Variants in PRUNE2 observed in about 807,000 individuals in gnomAD.
PRUNE2 encodes protein prune homolog 2.
A neutral mutation model predicts 252.0 loss-of-function variants in PRUNE2; 164 were observed. The observed-to-expected ratio is 0.65, with a 90% CI of 0.57 to 0.74. The LOEUF is 0.74. Ranked by LOEUF, PRUNE2 falls within the 30% of genes least tolerant of loss-of-function variation. The pLI is 0.00. For missense variants in PRUNE2, 3,495 were observed against 3,711.0 expected (o/e 0.94, Z 1.51); for synonymous variants, 1,292 against 1,350.2 (o/e 0.96, Z 0.94).
chr9:76,799,078 C>T (rs1004516425), intron 6 of PRUNE2, among the ~76,000 whole-genome samples: 6 of 152,196 alleles, frequency 3.9e-5, no homozygotes, highest in Admixed American at 1.3e-4. Flanking sequence ...CGGTGGCTCA[C>T]GCCTGTAATC....
intron 9 of PRUNE2, chr9:76,700,107 T>G (rs1355805788): frequency 6.6e-6 from 1 of 152,220 alleles, no homozygotes; most frequent in Non-Finnish European, 1.5e-5. Flanking sequence ...TAACAAGTTT[T>G]GTTAACAAGA....
At chr9:76,825,333 G>A (rs1336518644) in intron 5 of PRUNE2, among the ~76,000 whole-genome samples, 2 of 152,148 alleles carry the variant, frequency 1.3e-5, no homozygotes, top group African/African-American at 2.4e-5. Flanking sequence ...TCCTGGAGCC[G>A]AGATGAGCAC....
At chr9:76,834,369 TAGTC>T (rs1438325654) in intron 4 of PRUNE2, among the ~76,000 whole-genome samples, 5 of 152,200 alleles carry the variant, frequency 3.3e-5, no homozygotes, top group African/African-American at 1.2e-4. Context: ...GAACTCAGGA[TAGTC>T]AGTAAATTTA....
intron 2 of PRUNE2, among the ~76,000 whole-genome samples, chr9:76,851,407 G>A (rs1004502167): frequency 3.5e-4 from 54 of 152,240 alleles, no homozygotes; most frequent in African/African-American, 1.3e-3. Context: ...AATTAGCCGG[G>A]CATGGTGGCA....
chr9:76,830,299 A>T (rs1184711527), intron 4 of PRUNE2, among the ~76,000 whole-genome samples: 1 of 152,232 alleles, frequency 6.6e-6, no homozygotes, highest in African/African-American at 2.4e-5. Flanking sequence ...ATATTTGAAA[A>T]GGCAATTGGT....
intron 3 of PRUNE2, among the ~76,000 whole-genome samples, chr9:76,848,960 T>C (rs1438386579): frequency 6.6e-6 from 1 of 152,178 alleles, no homozygotes; most frequent in East Asian, 1.9e-4. Flanking sequence ...AGTGGTGTAA[T>C]CACAGCTCAA....
At chr9:76,649,438 T>A (rs1846291533) in intron 11 of PRUNE2, among the ~76,000 whole-genome samples, 1 of 152,130 alleles carries the variant, frequency 6.6e-6, no homozygotes, top group South Asian at 2.1e-4. Context: ...ATATACCAAT[T>A]AGCTGGGTAT....
chr9:76,731,554 C>T (rs2048611213), intron 6 of PRUNE2, among the ~76,000 whole-genome samples: 1 of 152,084 alleles, frequency 6.6e-6, no homozygotes, highest in South Asian at 2.1e-4. Flanking sequence ...TCTTGAACTC[C>T]TGGACTCAAG....
chr9:76,893,875 T>C (rs1274787654), intron 1 of PRUNE2, among the ~76,000 whole-genome samples: 1 of 152,124 alleles, frequency 6.6e-6, no homozygotes, highest in African/African-American at 2.4e-5. Flanking sequence ...GGTCCAGGGG[T>C]ATCAGCCAAG....
rs145005783 is a variant in PRUNE2 at position 76,613,615 on chromosome 9, G to A, written c.*955C>T. ...CTTGTTGGCATTTTAAAGGGCATAT[G>A]AAGACTATAAAGGAAATATTTTGTA... is the stretch of plus-strand genomic sequence containing the variant. On this transcript the variant is annotated 3_prime_UTR_variant, in exon 19 of 19. Transcript: ENST00000376718. 42 of 152,294 alleles carry A rather than the reference G, an allele frequency of 2.8e-4. No individual in the cohort carries two copies. Among genetic ancestry groups the A allele is most frequent in the Admixed American group, 8.5e-4 (13 of 15,286 alleles). 9.4% of individuals were successfully genotyped at this position (152,294 alleles called of 1,614,324 possible).
At position 76,710,413 on chromosome 9, in the gene PRUNE2, G is replaced by A; in HGVS notation, c.1861C>T (p.Pro621Ser). The A allele has an allele frequency of 1.2e-6, 2 of 1,613,968 alleles. No individual in the cohort carries two copies. Among genetic ancestry groups the A allele is most frequent in the Non-Finnish European group, 1.7e-6 (2 of 1,179,882 alleles). The change falls in exon 8 of 19, where the codon CCA (proline) becomes TCA (serine). Residue 621 changes from proline (P) to serine (S), a missense_variant. Pro to Ser is a moderately conservative substitution (Grantham distance 74). Coordinates refer to ENST00000376718, the MANE Select transcript of PRUNE2 (RefSeq NM_015225.3). ...TPMNSLVESS[P>S]STEEPASLYT... ...AGTGAGGCTGGTTCTTCAGTGGATG[G>A]CGAGCTTTCTACTAAACTATTCATG... is the stretch of plus-strand genomic sequence containing the variant.
intron 9 of PRUNE2, among the ~76,000 whole-genome samples, chr9:76,660,346 A>C (rs1850819136): frequency 6.6e-6 from 1 of 152,198 alleles, no homozygotes; most frequent in Non-Finnish European, 1.5e-5. Flanking sequence ...GAAAATAAAA[A>C]GCAACCAGTA....
chr9:76,732,642 T>TG (rs1316279683), intron 6 of PRUNE2, among the ~76,000 whole-genome samples: 1 of 152,210 alleles, frequency 6.6e-6, no homozygotes, highest in East Asian at 1.9e-4. Flanking sequence ...AGTTTGTCTG[T>TG]GTCTGATTTT....
chr9:76,797,401 GGTTA>G (rs887571561), intron 6 of PRUNE2, among the ~76,000 whole-genome samples: 3 of 151,586 alleles, frequency 2.0e-5, no homozygotes, highest in African/African-American at 7.3e-5. Flanking sequence ...TTGTTTGTTT[GGTTA>G]GTTTTCTTTT....
At chr9:76,865,846 C>CA (rs1238356522) in intron 1 of PRUNE2, among the ~76,000 whole-genome samples, 1 of 146,930 alleles carries the variant, frequency 6.8e-6, no homozygotes, top group Non-Finnish European at 1.5e-5. Flanking sequence ...CACACACACA[C>CA]ACCAGAGCAT....
In PRUNE2 at chr9:76,652,553, A is replaced by G. The variant is rs1847826734; in HGVS notation, c.8487T>C (p.Asp2829=). 12 of 1,613,380 alleles carry G rather than the reference A, an allele frequency of 7.4e-6. No individual in the cohort carries two copies. Among genetic ancestry groups the G allele is most frequent in the Non-Finnish European group, 6.8e-6 (8 of 1,179,490 alleles). ...GTTCATCCACATTGATGTCAATTTC[A>G]TCTGGACTGTCCAAGTTATCATCAG... ...ILSDDNLDSP[D]EIDINVDELD... Residue 2829 remains aspartate, a synonymous_variant, in exon 11 of 19, where the codon GAT becomes GAC. Transcript: ENST00000376718.
At chr9:76,664,588 T>TTC (rs1438138144) in intron 9 of PRUNE2, among the ~76,000 whole-genome samples, 2 of 152,232 alleles carry the variant, frequency 1.3e-5, no homozygotes, top group African/African-American at 4.8e-5. Flanking sequence ...TGGAGCGATC[T>TTC]CGGCTCACTC....
In PRUNE2 at chr9:76,905,987, C is replaced by CGGGTACT; in HGVS notation, c.-31_-25dup. ...ATGTCGTGGCTAGGGGTTTGGAACC[C>CGGGTACT]GGGTACTCGGAGGGGCGCAGTGGAA... is the stretch of plus-strand genomic sequence containing the variant. On this transcript the variant is annotated 5_prime_UTR_variant, in exon 1 of 19. Transcript: ENST00000376718. The CGGGTACT allele has an allele frequency of 6.2e-7, 1 of 1,613,828 alleles. No individual in the cohort carries two copies. Among genetic ancestry groups the CGGGTACT allele is most frequent in the Non-Finnish European group, 8.5e-7 (1 of 1,179,728 alleles).
chr9:76,900,302 C>T (rs1228021776), intron 1 of PRUNE2, among the ~76,000 whole-genome samples: 2 of 152,104 alleles, frequency 1.3e-5, no homozygotes, highest in Non-Finnish European at 2.9e-5. Flanking sequence ...ATTAAGAAAC[C>T]AAAGCTGTGT....
Sources: gnomAD v4.1 joint callset for allele counts (sites outside exome capture counted in the v4.1 genomes callset) on GRCh38, gnomAD v4.1.1 for gene constraint, MANE v1.5 for transcripts, NCBI Gene and HGNC (gene_info 2026-07-23, HGNC 2026-07-21) for gene names.